CCAR1: variants seen among roughly 807,000 people sequenced by gnomAD.
The protein encoded by CCAR1 is cell division cycle and apoptosis regulator 1.
CCAR1 carries 78 observed loss-of-function variants against 163.8 expected under a neutral mutation model. The ratio of observed to expected loss-of-function variants is 0.48; its 90% CI spans 0.40 to 0.57. The LOEUF (loss-of-function observed/expected upper bound fraction) is 0.57, where lower values mean the gene tolerates loss of function less well. Among genes scored for constraint, CCAR1 ranks in the 20% least tolerant of loss-of-function variants. The pLI is 0.00. For synonymous variants in CCAR1, 443 were observed against 460.7 expected (o/e 0.96, Z 0.49); for missense variants, 1,019 against 1,365.2 (o/e 0.75, Z 4.00).
In CCAR1 at chr10:68,756,894, G is replaced by A. The variant is rs1238019364; in HGVS notation, c.1837-400G>A. ...GATATTTGAAATTGGACAACCACAA[G>A]TCTGAGAGATTTGAAATTTCAGGCT... On this transcript the variant is annotated intron_variant, in intron 14 of 24. Transcript: ENST00000265872. The surrounding 1 kb of genome is among the most constrained non-coding windows in gnomAD (Gnocchi z 5.1). Among the ~76,000 whole-genome samples the A allele has an allele frequency of 6.6e-6, 1 of 152,200 alleles. No homozygotes were observed.
chr10:68,722,714 G>C (rs968518456), intron 2 of CCAR1, 137 bp downstream of exon 2: 1 of 635,602 alleles, frequency 1.6e-6, no homozygotes, highest in South Asian at 1.9e-5. Context: ...ACGAGGTCAG[G>C]AGTTCGTAAC....
At chr10:68,769,359 G>A (rs1183241967) in intron 17 of CCAR1, among the ~76,000 whole-genome samples, 2 of 152,180 alleles carry the variant, frequency 1.3e-5, no homozygotes, top group Non-Finnish European at 2.9e-5. Context: ...AGTGGCTCAC[G>A]CCTGTAATCC....
chr10:68,789,914 A>G lies in CCAR1; in HGVS notation c.3392A>G (p.Lys1131Arg). 4.6e-6 allele frequency: 7 copies of G among 1,538,328 alleles called. No homozygotes were observed. The highest frequency in any genetic ancestry group is 6.1e-6 in the Non-Finnish European group (7 of 1,143,682). The change falls in exon 24 of 25, where the codon AAG becomes AGG. Residue 1131 changes from lysine to arginine, a missense_variant and splice_region_variant. Coordinates refer to ENST00000265872, the MANE Select transcript of CCAR1 (RefSeq NM_018237.4). Reference sequence around the variant, plus strand: ...GATGAAATCCACACTGTTCTCAAGAAGGTGAGAAATTTTGTACTTTTAACA... The same window carrying G: ...GATGAAATCCACACTGTTCTCAAGAGGGTGAGAAATTTTGTACTTTTAACA... ...VMDEIHTVLK[K>R]DNVKNEDKDQ...
At chr10:68,742,113 T>C (rs1473427759) in intron 5 of CCAR1, among the ~76,000 whole-genome samples, 3 of 152,210 alleles carry the variant, frequency 2.0e-5, no homozygotes, top group Non-Finnish European at 2.9e-5. Context: ...GCTGAGTTCC[T>C]TTACTATACT....
intron 11 of CCAR1, among the ~76,000 whole-genome samples, chr10:68,754,384 A>G (rs1200511474): frequency 6.6e-6 from 1 of 152,246 alleles, no homozygotes; most frequent in African/African-American, 2.4e-5. Context: ...TTAATGTTAG[A>G]TGAATGCACT....
intron 6 of CCAR1, among the ~76,000 whole-genome samples, chr10:68,744,170 C>T (rs973511002): frequency 6.6e-6 from 1 of 152,168 alleles, no homozygotes; most frequent in African/African-American, 2.4e-5. Context: ...TAGGCGTGAA[C>T]CACTGCGCCT....
chr10:68,788,827 GCTTAGCTTTAT>G (rs2056823183), intron 23 of CCAR1, among the ~76,000 whole-genome samples: 1 of 151,940 alleles, frequency 6.6e-6, no homozygotes, highest in Non-Finnish European at 1.5e-5. Flanking sequence ...TTATAAAATT[GCTTAGCTTTAT>G]CTGAATCTTA....
chr10:68,746,506 C>G (rs181252243), intron 6 of CCAR1, among the ~76,000 whole-genome samples: 137 of 152,204 alleles, frequency 9.0e-4, no homozygotes, highest in African/African-American at 3.2e-3. Context: ...ATCTGCCCAC[C>G]TTAGTCACCC....
chr10:68,773,072 G>T lies in CCAR1; in HGVS notation c.2623G>T (p.Ala875Ser), dbSNP rs1280062738. Residue 875 changes from alanine to serine, a missense_variant, in exon 19 of 25, where the codon GCA becomes TCA. By Grantham distance (99) the Ala-to-Ser change is moderately conservative (BLOSUM62 1). This residue lies in a region of CCAR1 where 358 missense variants were observed against 406.4 expected (regional missense o/e 0.88). Coordinates refer to ENST00000265872, the MANE Select transcript of CCAR1 (RefSeq NM_018237.4). ...TCAAGATGAATATGACCCTATGGAA[G>T]CAGAAGAAGCTGAGGATGAAGAAGA... ...NNQDEYDPME[A>S]EEAEDEEDDR... The T allele has an allele frequency of 6.4e-7, 1 of 1,552,764 alleles. No homozygotes were observed. The highest frequency in any genetic ancestry group is 8.8e-7 in the Non-Finnish European group (1 of 1,140,124).
chr10:68,770,129 T>C (rs1281535410), intron 17 of CCAR1, among the ~76,000 whole-genome samples: 1 of 152,156 alleles, frequency 6.6e-6, no homozygotes, highest in Non-Finnish European at 1.5e-5. Context: ...ACTTTTTAAA[T>C]GTCACCTTAT....
chr10:68,765,921 C>A lies in CCAR1; in HGVS notation c.2140C>A (p.Arg714Ser). The part of the protein sequence containing the change: ...EERKRQEEIE[R>S]QRRERRYILP... ...AAGGAAACGTCAAGAGGAAATAGAACGCCAGCGTCGAGAAAGAAGATATAT... is the reference window on the plus strand; with the variant it reads ...AAGGAAACGTCAAGAGGAAATAGAAAGCCAGCGTCGAGAAAGAAGATATAT... Residue 714 changes from arginine to serine, a missense_variant, in exon 17 of 25, where the codon CGC (arginine) becomes AGC (serine). Physicochemically the swap from Arg to Ser is moderately radical, Grantham distance 110. Around this residue, in one of 4 missense-constraint regions of CCAR1, gnomAD observed 644 missense variants for 904.4 expected, o/e 0.71. Transcript: ENST00000265872. 1 of 1,613,444 alleles carries A rather than the reference C, an allele frequency of 6.2e-7. No individual in the cohort carries two copies. Among genetic ancestry groups the A allele is most frequent in the Non-Finnish European group, 8.5e-7 (1 of 1,179,814 alleles).
chr10:68,768,318 G>A (rs571987022), intron 17 of CCAR1, among the ~76,000 whole-genome samples: 5 of 150,470 alleles, frequency 3.3e-5, no homozygotes, highest in African/African-American at 1.2e-4. Context: ...TTTTTTTTAA[G>A]CAGTTGCCTG....
intron 19 of CCAR1, among the ~76,000 whole-genome samples, chr10:68,779,343 T>A (rs1458691858): frequency 2.0e-5 from 3 of 151,922 alleles, no homozygotes; most frequent in African/African-American, 7.3e-5. Flanking sequence ...CTACAACCCC[T>A]GTCTCCCAGG....
intron 11 of CCAR1, among the ~76,000 whole-genome samples, chr10:68,754,441 T>C (rs182687473): frequency 2.9e-3 from 448 of 152,350 alleles, no homozygotes; most frequent in Non-Finnish European, 4.5e-3. Flanking sequence ...GTATAGTCTA[T>C]AGTTTTGTTT....
chr10:68,743,853 T>C (rs1225878222), intron 6 of CCAR1, among the ~76,000 whole-genome samples: 1 of 152,120 alleles, frequency 6.6e-6, no homozygotes, highest in Non-Finnish European at 1.5e-5. Flanking sequence ...CAAGTTCAAG[T>C]AGTTCCCTGC....
chr10:68,730,867 A>AT (rs1199674451), intron 2 of CCAR1, among the ~76,000 whole-genome samples: 5 of 151,292 alleles, frequency 3.3e-5, no homozygotes, highest in African/African-American at 9.7e-5. Context: ...AATTTTTTAT[A>AT]TTTTTCATAG....
intron 16 of CCAR1, among the ~76,000 whole-genome samples, chr10:68,762,178 A>C (rs1255379049): frequency 6.6e-6 from 1 of 151,950 alleles, no homozygotes; most frequent in Non-Finnish European, 1.5e-5. Flanking sequence ...AATTACAAAA[A>C]ATTAGCTGGG....
rs935884432 is a variant in CCAR1, at chr10:68,791,743, C to T, written c.*477C>T. ...TTTTTTTTACTCATCACCAAAAAAT[C>T]CCCTCTTGATCAGTCTCTAAAAGCA... On this transcript the variant is annotated 3_prime_UTR_variant, in exon 25 of 25. Coordinates refer to ENST00000265872, the MANE Select transcript of CCAR1 (RefSeq NM_018237.4). 4.6e-5 allele frequency: 7 copies of T among 153,406 alleles called. No individual in the cohort carries two copies. The highest frequency in any genetic ancestry group is 1.7e-4 in the African/African-American group (7 of 41,380). The allele number at this position is 153,406 out of a possible 1,614,324, so 9.5% of individuals were successfully genotyped here. A position where few individuals can be genotyped will look rare whatever the true frequency, so the allele number is the denominator to read the frequency against.
At position 68,735,728 on chromosome 10, in the gene CCAR1, A is replaced by G. The variant is rs1046969615; in HGVS notation, c.74-1148A>G. ...GCCTACATTTTTTTCTTCAAAGACT[A>G]GACAAGCATTGTAATCAGAAGGGGA... On this transcript the variant is annotated intron_variant, in intron 2 of 24. Coordinates refer to ENST00000265872, the MANE Select transcript of CCAR1 (RefSeq NM_018237.4). The G allele has an allele frequency of 1.3e-5, 2 of 152,212 alleles. 1 individual carries two copies. Among genetic ancestry groups the G allele is most frequent in the South Asian group, 4.1e-4 (2 of 4,828 alleles). The allele number at this position is 152,212 out of a possible 1,614,324, so 9.4% of individuals were successfully genotyped here.
Sources: allele counts gnomAD v4.1 joint callset (sites outside exome capture counted in the v4.1 genomes callset), GRCh38; gene constraint gnomAD v4.1.1; regional missense constraint gnomAD v4.1.1; non-coding constraint Gnocchi (gnomAD v3.1); transcripts MANE v1.5; gene names NCBI Gene and HGNC (gene_info 2026-07-23, HGNC 2026-07-21).